Variants in THRAP3 observed in about 807,000 individuals in gnomAD.
The protein encoded by THRAP3 is thyroid hormone receptor associated protein 3.
A neutral mutation model predicts 101.0 loss-of-function variants in THRAP3; 16 were observed. The ratio of observed to expected loss-of-function variants is 0.16; its 90% CI spans 0.11 to 0.24. The LOEUF is 0.24. Among genes scored for constraint, THRAP3 ranks in the 10% least tolerant of loss-of-function variants. The pLI is 1.00. For missense variants in THRAP3, 989 were observed against 1,202.7 expected, an observed-to-expected ratio of 0.82 and a Z score of 2.63; for synonymous variants, 407 against 422.6, an observed-to-expected ratio of 0.96 and a Z score of 0.45.
intron 1 of THRAP3, among the ~76,000 whole-genome samples, chr1:36,254,261 A>G (rs1645345556): frequency 6.6e-6 from 1 of 152,194 alleles, no homozygotes. Context: ...TTTCTTCTCC[A>G]CAGATATTTT....
intron 1 of THRAP3, among the ~76,000 whole-genome samples, chr1:36,239,358 C>A (rs539440908): frequency 8.2e-4 from 124 of 151,372 alleles, no homozygotes; most frequent in Non-Finnish European, 1.4e-3. Context: ...CGCCCCTGCA[C>A]CGGCTTTCAG....
intron 2 of THRAP3, among the ~76,000 whole-genome samples, chr1:36,281,823 C>T (rs1460623785): frequency 3.9e-5 from 6 of 152,008 alleles, no homozygotes; most frequent in African/African-American, 9.7e-5. Context: ...GTAATCCCAG[C>T]ACTTTGGGAG....
At chr1:36,288,797 C>A in intron 4 of THRAP3, 1 of 985,386 alleles carries the variant, frequency 1.0e-6, no homozygotes, top group Non-Finnish European at 1.2e-6. Context: ...CTAAAAATAA[C>A]TTTTGTTGTT....
At chr1:36,233,994 C>T (rs1645058022) in intron 1 of THRAP3, among the ~76,000 whole-genome samples, 2 of 151,904 alleles carry the variant, frequency 1.3e-5, no homozygotes, top group South Asian at 4.2e-4. Context: ...CTTGTTTTGT[C>T]ACCCAGGCTG....
intron 1 of THRAP3, among the ~76,000 whole-genome samples, chr1:36,250,427 T>C (rs1325899289): frequency 6.6e-6 from 1 of 151,990 alleles, no homozygotes. Flanking sequence ...TTGGCCGGGA[T>C]GGTCTGGATC....
chr1:36,252,969 T>TAA lies in THRAP3; in HGVS notation c.-134-6411_-134-6410dup, dbSNP rs1479489601. Reference sequence around the variant, plus strand: ...ATATATATATATATATATATATATATAAATGTAAATAATGAGTATAATTTT... The same window carrying TAA: ...ATATATATATATATATATATATATATAAAAATGTAAATAATGAGTATAATTTT... On this transcript the variant is annotated intron_variant, in intron 1 of 11. Coordinates refer to ENST00000354618, the MANE Select transcript of THRAP3 (RefSeq NM_005119.4). Among the ~76,000 whole-genome samples, 109 of 124,534 alleles carry TAA rather than the reference T, an allele frequency of 8.8e-4. 1 individual carries two copies. The highest frequency in any genetic ancestry group is 4.3e-3 in the South Asian group (17 of 3,934). The allele number at this position is 124,534 out of a possible 152,430, so 81.7% of individuals were successfully genotyped here. A position where few individuals can be genotyped will look rare whatever the true frequency, so the allele number is the denominator to read the frequency against.
chr1:36,252,088 G>A (rs1570267552), intron 1 of THRAP3, among the ~76,000 whole-genome samples: 1 of 152,138 alleles, frequency 6.6e-6, no homozygotes, highest in Non-Finnish European at 1.5e-5. Flanking sequence ...GAGTCTTACA[G>A]TTTTGAGAAT....
intron 1 of THRAP3, among the ~76,000 whole-genome samples, chr1:36,253,463 C>T (rs1311385799): frequency 6.6e-6 from 1 of 152,178 alleles, no homozygotes; most frequent in Non-Finnish European, 1.5e-5. Flanking sequence ...GATATCACTT[C>T]TTGTTCAACT....
chr1:36,253,723 A>G (rs2124464826), intron 1 of THRAP3, among the ~76,000 whole-genome samples: 1 of 144,174 alleles, frequency 6.9e-6, no homozygotes, highest in Non-Finnish European at 1.5e-5. Flanking sequence ...CTTCCTGAAT[A>G]GCTGGGACCA....
chr1:36,298,146 CAAAAAAAAAA>C (rs10653561), intron 9 of THRAP3, among the ~76,000 whole-genome samples: 2 of 96,002 alleles, frequency 2.1e-5, no homozygotes, highest in African/African-American at 8.3e-5. Flanking sequence ...GACTTCATCT[CAAAAAAAAAA>C]AAAAAAAAAA....
At chr1:36,262,819 A>C (rs1645463314) in intron 2 of THRAP3, among the ~76,000 whole-genome samples, 1 of 150,712 alleles carries the variant, frequency 6.6e-6, no homozygotes, top group African/African-American at 2.4e-5. Flanking sequence ...TTTGAGATGA[A>C]GTCTTGCTCT....
chr1:36,289,783 T>C lies in THRAP3; in HGVS notation c.1745+19T>C. 2 of 1,575,394 alleles carry C rather than the reference T, an allele frequency of 1.3e-6. No individual in the cohort carries two copies. Among genetic ancestry groups the C allele is most frequent in the South Asian group, 1.2e-5 (1 of 83,842 alleles). On this transcript the variant is annotated intron_variant, in intron 5 of 11. Transcript: ENST00000354618. Reference sequence around the variant, plus strand: ...TCGCACGGTGAGATATGCTCCTTCTTGATCCTCAGTGCTTTAGTGGCCTAA... The same window carrying C: ...TCGCACGGTGAGATATGCTCCTTCTCGATCCTCAGTGCTTTAGTGGCCTAA...
intron 1 of THRAP3, among the ~76,000 whole-genome samples, chr1:36,230,361 G>A (rs1194774904): frequency 6.6e-6 from 1 of 151,670 alleles, no homozygotes; most frequent in African/African-American, 2.4e-5. Context: ...CAGGTGATCC[G>A]CCCGCTTCGG....
chr1:36,276,681 A>AC (rs1645664991), intron 2 of THRAP3, among the ~76,000 whole-genome samples: 1 of 151,762 alleles, frequency 6.6e-6, no homozygotes, highest in South Asian at 2.1e-4. Context: ...ACATGGTGAA[A>AC]CCCCGTCTCT....
chr1:36,304,957 T>A lies in THRAP3; in HGVS notation c.*940T>A, dbSNP rs1472219921. 1 of 209,554 alleles carries A rather than the reference T, an allele frequency of 4.8e-6. No individual in the cohort carries two copies. Among genetic ancestry groups the A allele is most frequent in the African/African-American group, 2.3e-5 (1 of 43,966 alleles). 13.0% of individuals were successfully genotyped at this position (209,554 alleles called of 1,614,324 possible). A position where few individuals can be genotyped will look rare whatever the true frequency, so the allele number is the denominator to read the frequency against. Reference sequence around the variant, plus strand: ...ATGAAAAGAAACTCCTATGATCGATTAAGGAAGGTGGTTATGGCTGGGTGG... The same window carrying A: ...ATGAAAAGAAACTCCTATGATCGATAAAGGAAGGTGGTTATGGCTGGGTGG... On this transcript the variant is annotated 3_prime_UTR_variant, in exon 12 of 12. Coordinates refer to ENST00000354618, the MANE Select transcript of THRAP3 (RefSeq NM_005119.4).
chr1:36,252,189 T>C (rs1043478482), intron 1 of THRAP3, among the ~76,000 whole-genome samples: 1 of 152,162 alleles, frequency 6.6e-6, no homozygotes, highest in African/African-American at 2.4e-5. Flanking sequence ...GCAGTGGCGC[T>C]ATCTTGGCTC....
intron 1 of THRAP3, among the ~76,000 whole-genome samples, chr1:36,249,787 T>C (rs1176293676): frequency 6.6e-6 from 1 of 151,120 alleles, no homozygotes; most frequent in Non-Finnish European, 1.5e-5. Flanking sequence ...GACGAGCATG[T>C]CTAATGGTGT....
At chr1:36,302,928 C>A (rs1268264036) in intron 11 of THRAP3, among the ~76,000 whole-genome samples, 2 of 152,038 alleles carry the variant, frequency 1.3e-5, no homozygotes, top group African/African-American at 4.8e-5. Context: ...AGGGGAGATA[C>A]AAAATGAGAG....
intron 9 of THRAP3, among the ~76,000 whole-genome samples, chr1:36,298,337 C>T (rs1645980544): frequency 6.6e-6 from 1 of 151,958 alleles, no homozygotes; most frequent in Non-Finnish European, 1.5e-5. Context: ...GTGCCTGGGC[C>T]GCCACTTAGA....
Sources: gnomAD v4.1 joint callset for allele counts (sites outside exome capture counted in the v4.1 genomes callset) on GRCh38, gnomAD v4.1.1 for gene constraint, MANE v1.5 for transcripts, NCBI Gene and HGNC (gene_info 2026-07-23, HGNC 2026-07-21) for gene names.